Variants in MARK1 observed in about 807,000 individuals in gnomAD.
The protein encoded by MARK1 is serine/threonine-protein kinase MARK1.
Under a neutral mutation model 96.3 loss-of-function variants are expected in MARK1, and 40 were observed. The observed-to-expected ratio is 0.42, with a 90% confidence interval of 0.32 to 0.54. The LOEUF is 0.54. MARK1 is among the 20% of genes least tolerant of loss of function. The probability of loss-of-function intolerance (pLI) is 0.16; values close to 1 mark genes in which losing one functional copy is unlikely to be tolerated. For missense variants in MARK1, 719 were observed against 984.6 expected (o/e 0.73, Z 3.61); for synonymous variants, 317 against 341.2 (o/e 0.93, Z 0.78).
In MARK1 at chr1:220,539,385, A is replaced by G. The variant is rs576298985; in HGVS notation, c.51+10512A>G. On this transcript the variant is annotated intron_variant, in intron 1 of 17. Transcript: ENST00000366917. ...CTGGATTACATTGATTGATTTGCAT[A>G]TATTGAACCAGCCTTGCATCCCAGG... 1.5e-3 allele frequency among the ~76,000 whole-genome samples: 232 copies of G among 152,192 alleles called. 1 individual carries two copies. Among genetic ancestry groups the G allele is most frequent in the African/African-American group, 5.4e-3 (223 of 41,522 alleles).
At chr1:220,565,913 T>C (rs1472381786) in intron 1 of MARK1, among the ~76,000 whole-genome samples, 2 of 152,170 alleles carry the variant, frequency 1.3e-5, no homozygotes, top group East Asian at 3.9e-4. Context: ...CTTTGGTATC[T>C]TCAGAGACTG....
At position 220,579,522 on chromosome 1, in the gene MARK1, G is replaced by GC; in HGVS notation, c.220_221insC (p.Val74AlafsTer11). ...AATAGGGAAGGGAAATTTTGCCAAAGTCAAATTGGCAAGACACGTTCTAAC... is the reference window on the plus strand; with the variant it reads ...AATAGGGAAGGGAAATTTTGCCAAAGCTCAAATTGGCAAGACACGTTCTAAC... On this transcript the variant is annotated frameshift_variant, in exon 2 of 18. Transcript: ENST00000366917. LOFTEE classifies it high-confidence loss of function. 6.2e-7 allele frequency: 1 copy of GC among 1,614,036 alleles called. No individual in the cohort carries two copies. Among genetic ancestry groups the GC allele is most frequent in the Non-Finnish European group, 8.5e-7 (1 of 1,179,962 alleles).
chr1:220,621,450 C>T (rs1200687786), intron 9 of MARK1, among the ~76,000 whole-genome samples: 1 of 152,050 alleles, frequency 6.6e-6, no homozygotes, highest in East Asian at 1.9e-4. Context: ...ATTCTCCATA[C>T]CCTGATTCAA....
At position 220,652,261 on chromosome 1, in the gene MARK1, A is replaced by G. The variant is rs73107653; in HGVS notation, c.1736+111A>G. 961 of 824,442 alleles carry G rather than the reference A, an allele frequency of 1.2e-3. 9 individuals carry two copies. In the African/African-American group the frequency reaches 0.015, roughly 13 times the overall value. The allele number at this position is 824,442 out of a possible 1,614,324, so 51.1% of individuals were successfully genotyped here. A position where few individuals can be genotyped will look rare whatever the true frequency, so the allele number is the denominator to read the frequency against. On this transcript the variant is annotated intron_variant, in intron 15 of 17. Coordinates refer to ENST00000366917, the MANE Select transcript of MARK1 (RefSeq NM_018650.5). ...CATTAAGACCTTTCTAATAAGATTCAGTGTTTGTTATGGAGGAAAAATTGA... is the reference window on the plus strand; with the variant it reads ...CATTAAGACCTTTCTAATAAGATTCGGTGTTTGTTATGGAGGAAAAATTGA...
At chr1:220,640,610 C>T (rs980736584) in intron 13 of MARK1, among the ~76,000 whole-genome samples, 12 of 152,250 alleles carry the variant, frequency 7.9e-5, no homozygotes, top group African/African-American at 2.6e-4. Flanking sequence ...CAGAATACCA[C>T]ATAATGGATA....
intron 9 of MARK1, among the ~76,000 whole-genome samples, chr1:220,624,981 T>C (rs1292598125): frequency 2.0e-5 from 3 of 152,244 alleles, no homozygotes; most frequent in African/African-American, 4.8e-5. Flanking sequence ...CATTTCTTCA[T>C]GTCTAGTTCA....
chr1:220,613,518 T>C (rs1423054491), intron 6 of MARK1, among the ~76,000 whole-genome samples: 1 of 152,090 alleles, frequency 6.6e-6, no homozygotes, highest in Non-Finnish European at 1.5e-5. Flanking sequence ...GTTGCATACC[T>C]TCAGTGGCTC....
Position 220,610,561 on chromosome 1 carries a change from C to G in MARK1, c.496-5378C>G, listed in dbSNP as rs144667001. ...CTGAAGCCTACTTCTGTCAACTTGT[C>G]AAAGTCGTTCTCCGTCCAGCTTTGT... is the stretch of plus-strand genomic sequence containing the variant. On this transcript the variant is annotated intron_variant, in intron 6 of 17. Transcript: ENST00000366917. Among the ~76,000 whole-genome samples the G allele has an allele frequency of 3.7e-3, 560 of 152,274 alleles. 6 individuals are homozygous for G. Among genetic ancestry groups the G allele is most frequent in the Middle Eastern group, 0.034 (10 of 294 alleles).
intron 1 of MARK1, among the ~76,000 whole-genome samples, chr1:220,553,375 A>G (rs1406473416): frequency 1.3e-5 from 2 of 152,270 alleles, no homozygotes; most frequent in Admixed American, 6.5e-5. Flanking sequence ...GTACCAGCAT[A>G]TTGTGCAGAA....
intron 13 of MARK1, among the ~76,000 whole-genome samples, chr1:220,641,020 T>C (rs1442280994): frequency 6.6e-6 from 1 of 152,150 alleles, no homozygotes; most frequent in Non-Finnish European, 1.5e-5. Flanking sequence ...CATCCAAAAA[T>C]TATATGTGGG....
chr1:220,538,783 C>T (rs200414844), intron 1 of MARK1, among the ~76,000 whole-genome samples: 7 of 152,156 alleles, frequency 4.6e-5, no homozygotes, highest in South Asian at 2.1e-4. Context: ...AGGTCCTTCA[C>T]GTCCCTTGTA....
At chr1:220,648,547 T>C (rs1391003815) in intron 13 of MARK1, among the ~76,000 whole-genome samples, 1 of 151,738 alleles carries the variant, frequency 6.6e-6, no homozygotes, top group Non-Finnish European at 1.5e-5. Context: ...GCAAGGGAGG[T>C]AGAGTGGGAG....
At chr1:220,601,910 C>T (rs898173710) in intron 5 of MARK1, among the ~76,000 whole-genome samples, 3 of 152,122 alleles carry the variant, frequency 2.0e-5, no homozygotes, top group Non-Finnish European at 4.4e-5. Context: ...CAGCCAGTCT[C>T]ATTAAATCCT....
intron 1 of MARK1, among the ~76,000 whole-genome samples, chr1:220,577,781 G>A (rs1033942250): frequency 1.3e-5 from 2 of 152,182 alleles, no homozygotes; most frequent in Non-Finnish European, 2.9e-5. Flanking sequence ...ATAATAGGGT[G>A]GTGGGAGACA....
chr1:220,647,391 G>A (rs745994129), intron 13 of MARK1, among the ~76,000 whole-genome samples: 7 of 152,156 alleles, frequency 4.6e-5, no homozygotes, highest in Admixed American at 2.0e-4. Context: ...TTAAAAAGTC[G>A]AGAAACAACA....
intron 9 of MARK1, among the ~76,000 whole-genome samples, chr1:220,621,724 T>C (rs1490015810): frequency 6.6e-6 from 1 of 152,140 alleles, no homozygotes; most frequent in Non-Finnish European, 1.5e-5. Flanking sequence ...AGTGTTACTT[T>C]AGTGTCATGA....
At chr1:220,626,841 A>AG in intron 9 of MARK1, 3 of 383,408 alleles carry the variant, frequency 7.8e-6, no homozygotes, top group Non-Finnish European at 1.5e-5. Context: ...AAAAGGGTTG[A>AG]GGGGGGCATG....
At chr1:220,638,339 C>T (rs762156606) in intron 13 of MARK1, among the ~76,000 whole-genome samples, 4 of 152,144 alleles carry the variant, frequency 2.6e-5, no homozygotes, top group African/African-American at 4.8e-5. Context: ...AAACAGTCCC[C>T]TTACATTATG....
At chr1:220,557,616 C>G (rs1662365941) in intron 1 of MARK1, among the ~76,000 whole-genome samples, 1 of 151,924 alleles carries the variant, frequency 6.6e-6, no homozygotes, top group Non-Finnish European at 1.5e-5. Context: ...ATTTTTCTAC[C>G]TATGTACTCT....
Sources: allele counts gnomAD v4.1 joint callset (sites outside exome capture counted in the v4.1 genomes callset), GRCh38; gene constraint gnomAD v4.1.1; transcripts MANE v1.5; gene names NCBI Gene and HGNC (gene_info 2026-07-23, HGNC 2026-07-21).